The following TMEM163 variants were observed in gnomAD, a reference collection of about 807,000 sequenced individuals.
TMEM163 encodes the protein transmembrane protein 163.
Under a neutral mutation model 29.3 loss-of-function variants are expected in TMEM163, and 17 were observed. That is an observed-to-expected ratio of 0.58 (90% CI 0.40 to 0.87). The LOEUF (loss-of-function observed/expected upper bound fraction) is 0.87, where lower values mean the gene tolerates loss of function less well. Ranked by LOEUF, TMEM163 falls within the 40% of genes least tolerant of loss-of-function variation. The probability of loss-of-function intolerance (pLI) is 0.00; values close to 1 mark genes in which losing one functional copy is unlikely to be tolerated. For missense variants in TMEM163, 303 were observed against 381.5 expected (o/e 0.79, Z 1.71); for synonymous variants, 157 against 160.6 (o/e 0.98, Z 0.17).
intron 2 of TMEM163, among the ~76,000 whole-genome samples, chr2:134,603,417 C>T (rs1177757192): frequency 4.6e-5 from 7 of 152,174 alleles, no homozygotes; most frequent in Non-Finnish European, 8.8e-5. Flanking sequence ...AGCGGACAGA[C>T]CTGATAAAAT....
At chr2:134,677,562 T>A (rs1472084490) in intron 2 of TMEM163, among the ~76,000 whole-genome samples, 1 of 152,166 alleles carries the variant, frequency 6.6e-6, no homozygotes, top group Non-Finnish European at 1.5e-5. Context: ...ACTTTCTGTC[T>A]CTGAAAAGTC....
At chr2:134,554,473 G>A (rs185094379) in intron 2 of TMEM163, among the ~76,000 whole-genome samples, 211 of 148,494 alleles carry the variant, frequency 1.4e-3, no homozygotes, top group African/African-American at 5.1e-3. Context: ...TGCTGCCACC[G>A]GGCTCCCAGT....
chr2:134,549,040 T>A (rs886591470), intron 4 of TMEM163, among the ~76,000 whole-genome samples: 2 of 151,850 alleles, frequency 1.3e-5, no homozygotes, highest in African/African-American at 4.8e-5. Flanking sequence ...AATTCACTTT[T>A]AAAAATTAAC....
intron 2 of TMEM163, among the ~76,000 whole-genome samples, chr2:134,688,775 A>G (rs1259734101): frequency 1.3e-5 from 2 of 152,150 alleles, no homozygotes; most frequent in Non-Finnish European, 2.9e-5. Context: ...TCTTCCTTTC[A>G]GGACTCAGAC....
intron 2 of TMEM163, among the ~76,000 whole-genome samples, chr2:134,644,536 A>G (rs931496259): frequency 2.6e-5 from 4 of 152,214 alleles, no homozygotes; most frequent in African/African-American, 7.2e-5. Flanking sequence ...AGAACAACCA[A>G]ACATTCATAT....
intron 2 of TMEM163, among the ~76,000 whole-genome samples, chr2:134,687,868 G>A (rs1684380969): frequency 6.6e-6 from 1 of 152,098 alleles, no homozygotes; most frequent in Non-Finnish European, 1.5e-5. Flanking sequence ...CTTAATTATT[G>A]GTTGCCAACA....
intron 2 of TMEM163, among the ~76,000 whole-genome samples, chr2:134,685,090 C>T (rs1370397304): frequency 6.6e-6 from 1 of 152,138 alleles, no homozygotes; most frequent in East Asian, 1.9e-4. Context: ...CTTCTCCAAA[C>T]CCTCCCTTGG....
At chr2:134,688,419 C>G (rs1053825762) in intron 2 of TMEM163, among the ~76,000 whole-genome samples, 1 of 152,108 alleles carries the variant, frequency 6.6e-6, no homozygotes, top group Admixed American at 6.6e-5. Flanking sequence ...CAATAATCGA[C>G]CTATGACAAA....
At chr2:134,684,530 G>C (rs1374302617) in intron 2 of TMEM163, among the ~76,000 whole-genome samples, 1 of 152,176 alleles carries the variant, frequency 6.6e-6, no homozygotes, top group Non-Finnish European at 1.5e-5. Flanking sequence ...CTCGGAGTCT[G>C]AGCTATCAGC....
Position 134,501,416 on chromosome 2 carries a change from C to CATG in TMEM163, c.555+1484_555+1485insCAT, listed in dbSNP as rs1253926449. On this transcript the variant is annotated intron_variant, in intron 5 of 7. Transcript: ENST00000281924. ...AGAGCCATTACAAGGGCCGTGAGCACAGCCATCCATCCCCTATCACATGAG... is the reference window on the plus strand; with the variant it reads ...AGAGCCATTACAAGGGCCGTGAGCACATGAGCCATCCATCCCCTATCACATGAG... 2.6e-5 allele frequency among the ~76,000 whole-genome samples: 4 copies of CATG among 152,240 alleles called. No individual in the cohort carries two copies. In the East Asian group the frequency reaches 5.8e-4, roughly 22 times the overall value.
At chr2:134,581,578 C>T (rs920425691) in intron 2 of TMEM163, among the ~76,000 whole-genome samples, 4 of 152,196 alleles carry the variant, frequency 2.6e-5, no homozygotes, top group African/African-American at 7.2e-5. Flanking sequence ...AAACAAACCA[C>T]CAGCAATTCC....
chr2:134,586,061 G>T (rs1486713126), intron 2 of TMEM163, among the ~76,000 whole-genome samples: 2 of 152,218 alleles, frequency 1.3e-5, no homozygotes, highest in African/African-American at 4.8e-5. Context: ...AGTGTTCAAA[G>T]TTTGGGTCAT....
chr2:134,610,397 G>A (rs750308655), intron 2 of TMEM163, among the ~76,000 whole-genome samples: 2 of 152,172 alleles, frequency 1.3e-5, no homozygotes, highest in Non-Finnish European at 2.9e-5. Flanking sequence ...AGCGTGATCC[G>A]AGTCAGCTGC....
At chr2:134,503,571 T>C (rs1027261530) in intron 4 of TMEM163, among the ~76,000 whole-genome samples, 4 of 152,230 alleles carry the variant, frequency 2.6e-5, no homozygotes, top group Admixed American at 2.0e-4. Context: ...CTTTTGGATA[T>C]GACGTTGATA....
intron 2 of TMEM163, among the ~76,000 whole-genome samples, chr2:134,636,380 G>A (rs563418972): frequency 5.9e-5 from 9 of 152,220 alleles, no homozygotes; most frequent in Non-Finnish European, 1.0e-4. Context: ...TAGGGAAAAC[G>A]TAAACATGTA....
intron 2 of TMEM163, among the ~76,000 whole-genome samples, chr2:134,596,419 T>G (rs1457884927): frequency 2.0e-5 from 3 of 152,148 alleles, no homozygotes; most frequent in Admixed American, 2.0e-4. Context: ...GATCAGATAG[T>G]TGTAGATGTG....
At chr2:134,581,970 T>C (rs1050066810) in intron 2 of TMEM163, among the ~76,000 whole-genome samples, 9 of 152,192 alleles carry the variant, frequency 5.9e-5, no homozygotes, top group Admixed American at 3.9e-4. Context: ...AAGGGTTTCC[T>C]TGTCACCATG....
chr2:134,458,261 G>A (rs1686447537), intron 6 of TMEM163, 88 bp from the exon 7 acceptor site: 2 of 1,521,720 alleles, frequency 1.3e-6, no homozygotes, highest in Middle Eastern at 1.9e-4. Flanking sequence ...CACGTAACTG[G>A]AGCATGTGCT....
At chr2:134,650,004 TA>T (rs1319130397) in intron 2 of TMEM163, among the ~76,000 whole-genome samples, 132 of 97,548 alleles carry the variant, frequency 1.4e-3, no homozygotes, top group South Asian at 4.6e-3. Context: ...GACCCTGTCT[TA>T]AAAAAAAAAA....
Sources: gnomAD v4.1 joint callset for allele counts (sites outside exome capture counted in the v4.1 genomes callset) on GRCh38, gnomAD v4.1.1 for gene constraint, MANE v1.5 for transcripts, NCBI Gene and HGNC (gene_info 2026-07-23, HGNC 2026-07-21) for gene names.